NMNAT3: variants seen among roughly 807,000 people sequenced by gnomAD.
NMNAT3 encodes the protein nicotinamide nucleotide adenylyltransferase 3.
NMNAT3 carries 21 observed loss-of-function variants against 24.8 expected under a neutral mutation model. The observed-to-expected ratio is 0.85, with a 90% confidence interval of 0.60 to 1.22. The LOEUF (loss-of-function observed/expected upper bound fraction) is 1.22, where lower values mean the gene tolerates loss of function less well. NMNAT3 is among the 50% of genes most tolerant of loss of function. The pLI, the probability that NMNAT3 is intolerant of heterozygous loss-of-function variation, is 0.00. For synonymous variants in NMNAT3, 136 were observed against 155.2 expected, an observed-to-expected ratio of 0.88 and a Z score of 0.92; for missense variants, 387 against 436.6, an observed-to-expected ratio of 0.89 and a Z score of 1.01.
intron 3 of NMNAT3, among the ~76,000 whole-genome samples, chr3:139,592,830 GGA>G (rs1196644078): frequency 3.1e-4 from 47 of 152,238 alleles, no homozygotes; most frequent in Middle Eastern, 6.8e-3. Flanking sequence ...CACTAAACAT[GGA>G]AAGGAACAAC....
chr3:139,654,092 G>A (rs1293809997), intron 1 of NMNAT3, among the ~76,000 whole-genome samples: 2 of 152,146 alleles, frequency 1.3e-5, no homozygotes, highest in Admixed American at 6.5e-5. Flanking sequence ...CTTATGAATG[G>A]GATCCTTCAG....
chr3:139,599,631 CT>C (rs1464447654), intron 3 of NMNAT3, among the ~76,000 whole-genome samples: 2 of 152,200 alleles, frequency 1.3e-5, no homozygotes, highest in African/African-American at 4.8e-5. Flanking sequence ...AACCTCGCCT[CT>C]AAGTGAAGCT....
intron 1 of NMNAT3, among the ~76,000 whole-genome samples, chr3:139,656,835 G>A (rs543699849): frequency 6.6e-6 from 1 of 152,118 alleles, no homozygotes; most frequent in South Asian, 2.1e-4. Context: ...GTAGAAAACA[G>A]GAATTCCAAA....
At chr3:139,593,238 G>A (rs2054284044) in intron 3 of NMNAT3, among the ~76,000 whole-genome samples, 1 of 152,166 alleles carries the variant, frequency 6.6e-6, no homozygotes, top group Admixed American at 6.5e-5. Context: ...ATTACATCAT[G>A]GTAAAGGGAT....
chr3:139,633,403 C>T (rs2056378825), intron 2 of NMNAT3, among the ~76,000 whole-genome samples: 1 of 152,134 alleles, frequency 6.6e-6, no homozygotes. Flanking sequence ...TGGTCTCAAA[C>T]TCCCAACCTC....
intron 1 of NMNAT3, among the ~76,000 whole-genome samples, chr3:139,647,853 T>G (rs1009189715): frequency 1.3e-5 from 2 of 152,184 alleles, no homozygotes; most frequent in African/African-American, 4.8e-5. Flanking sequence ...AACTACCAAG[T>G]TTATGGTAAT....
At chr3:139,579,185 T>TG (rs1939801229) in intron 4 of NMNAT3, 130 bp from the exon 5 acceptor site, 1 of 732,000 alleles carries the variant, frequency 1.4e-6, no homozygotes, top group African/African-American at 1.8e-5. Flanking sequence ...CATTCTCTCA[T>TG]GGGGGAGAAA....
intron 1 of NMNAT3, among the ~76,000 whole-genome samples, chr3:139,641,808 T>A: frequency 6.6e-6 from 1 of 152,232 alleles, no homozygotes; most frequent in Middle Eastern, 3.2e-3. Context: ...CAGGAGAATC[T>A]GCTGGTCCTT....
intron 1 of NMNAT3, among the ~76,000 whole-genome samples, chr3:139,653,459 T>A (rs1036341232): frequency 6.6e-6 from 1 of 152,234 alleles, no homozygotes; most frequent in East Asian, 1.9e-4. Flanking sequence ...ACCTACTCTT[T>A]CCTTTTATAC....
At chr3:139,590,964 A>G (rs2054135832) in intron 3 of NMNAT3, among the ~76,000 whole-genome samples, 1 of 152,170 alleles carries the variant, frequency 6.6e-6, no homozygotes, top group African/African-American at 2.4e-5. Flanking sequence ...TCAGAGGAGG[A>G]GCCAAGATGG....
chr3:139,638,967 C>T (rs999260284), intron 1 of NMNAT3, among the ~76,000 whole-genome samples: 1 of 152,164 alleles, frequency 6.6e-6, no homozygotes, highest in South Asian at 2.1e-4. Context: ...CCTGAGTGCT[C>T]ACTCACTCTC....
intron 1 of NMNAT3, among the ~76,000 whole-genome samples, chr3:139,671,825 T>C (rs1460387719): frequency 1.3e-5 from 2 of 152,350 alleles, no homozygotes; most frequent in East Asian, 3.9e-4. Context: ...CACTAATTCA[T>C]GTAACAGGCA....
At chr3:139,563,237 G>A (rs907126467) in intron 6 of NMNAT3, among the ~76,000 whole-genome samples, 13 of 152,246 alleles carry the variant, frequency 8.5e-5, no homozygotes, top group Non-Finnish European at 1.9e-4. Context: ...ATATTTGAAC[G>A]GTTCTGCATC....
intron 1 of NMNAT3, among the ~76,000 whole-genome samples, chr3:139,648,977 G>T (rs1021218978): frequency 6.6e-6 from 1 of 152,110 alleles, no homozygotes; most frequent in African/African-American, 2.4e-5. Context: ...TTGTTGGATG[G>T]GTACACATCA....
intron 1 of NMNAT3, among the ~76,000 whole-genome samples, chr3:139,665,570 C>T (rs559907514): frequency 2.0e-5 from 3 of 152,278 alleles, no homozygotes; most frequent in Admixed American, 6.5e-5. Context: ...TTGAGGAAGG[C>T]TTCCTAATTA....
intron 1 of NMNAT3, among the ~76,000 whole-genome samples, chr3:139,669,668 C>T (rs2057698496): frequency 6.6e-6 from 1 of 152,028 alleles, no homozygotes; most frequent in Non-Finnish European, 1.5e-5. Flanking sequence ...TTTATCATAG[C>T]ACCTAAAGCC....
At chr3:139,624,014 A>G (rs2055929751) in intron 3 of NMNAT3, among the ~76,000 whole-genome samples, 2 of 152,236 alleles carry the variant, frequency 1.3e-5, no homozygotes, top group African/African-American at 4.8e-5. Flanking sequence ...CAACTCCATT[A>G]CAATCTTATC....
At chr3:139,570,457 T>C (rs1018953381) in intron 6 of NMNAT3, 1 of 152,342 alleles carries the variant, frequency 6.6e-6, no homozygotes, top group Admixed American at 6.5e-5. Context: ...CTCTGTTTTT[T>C]TCCCATCTTT....
chr3:139,600,234 T>C (rs1394557292), intron 3 of NMNAT3, among the ~76,000 whole-genome samples: 1 of 152,184 alleles, frequency 6.6e-6, no homozygotes, highest in Admixed American at 6.5e-5. Flanking sequence ...TTCTTAAGAA[T>C]TTGGCAAAGT....
Sources: gnomAD v4.1 joint callset for allele counts (sites outside exome capture counted in the v4.1 genomes callset) on GRCh38, gnomAD v4.1.1 for gene constraint, MANE v1.5 for transcripts, NCBI Gene and HGNC (gene_info 2026-07-23, HGNC 2026-07-21) for gene names.